The following ADGRL3 variants were observed in gnomAD, a reference collection of about 807,000 sequenced individuals.
ADGRL3 encodes the protein calcium-independent alpha-latrotoxin receptor 3.
In ADGRL3, 62 loss-of-function variants were observed where a neutral mutation model predicts 153.5. The observed-to-expected ratio is 0.40, with a 90% CI of 0.33 to 0.50. The LOEUF (loss-of-function observed/expected upper bound fraction) is 0.50. Ranked by LOEUF, ADGRL3 falls within the 20% of genes least tolerant of loss-of-function variation. The pLI is 0.47. For missense variants in ADGRL3, 1,641 were observed against 1,859.4 expected, an observed-to-expected ratio of 0.88 and a Z score of 2.16; for synonymous variants, 710 against 672.5, an observed-to-expected ratio of 1.06 and a Z score of -0.86.
At position 61,617,809 on chromosome 4, in the gene ADGRL3, TTC is replaced by T. The variant is rs375759445; in HGVS notation, c.473+30373_473+30374del. ...TTCCCTAAGCAAAATCCTCAACGTA[TTC>T]TCTGTTAACATGTGTTATAAATCCT... On this transcript the variant is annotated intron_variant, in intron 5 of 26. Transcript: ENST00000683033. Among the ~76,000 whole-genome samples the T allele has an allele frequency of 9.2e-4, 140 of 152,334 alleles. 2 individuals carry two copies. Among genetic ancestry groups the T allele is most frequent in the African/African-American group, 3.3e-3 (136 of 41,580 alleles).
intron 1 of ADGRL3, among the ~76,000 whole-genome samples, chr4:61,204,014 A>G (rs1042472806): frequency 6.6e-6 from 1 of 152,178 alleles, no homozygotes; most frequent in South Asian, 2.1e-4. Context: ...TTTACTTTCA[A>G]TAATTAAAAT....
chr4:61,651,173 C>G (rs993369111), intron 5 of ADGRL3, among the ~76,000 whole-genome samples: 3 of 152,040 alleles, frequency 2.0e-5, no homozygotes, highest in Non-Finnish European at 4.4e-5. Flanking sequence ...GCATAGAAAT[C>G]TTAAAAAATT....
At chr4:61,247,185 A>G (rs1270160140) in intron 1 of ADGRL3, among the ~76,000 whole-genome samples, 1 of 152,006 alleles carries the variant, frequency 6.6e-6, no homozygotes, top group Admixed American at 6.6e-5. Flanking sequence ...TTAAGTTATC[A>G]TATATTTATT....
chr4:61,855,785 A>T (rs988375408), intron 9 of ADGRL3, among the ~76,000 whole-genome samples: 3 of 151,914 alleles, frequency 2.0e-5, no homozygotes, highest in Non-Finnish European at 2.9e-5. Flanking sequence ...TTTTTCAGCC[A>T]CTATTTATTG....
intron 19 of ADGRL3, among the ~76,000 whole-genome samples, chr4:61,990,979 T>TGTGTGTGTGTGTGTAC (rs1449172872): frequency 4.6e-5 from 7 of 151,268 alleles, no homozygotes; most frequent in African/African-American, 7.3e-5. Flanking sequence ...TGTGTGTGTG[T>TGTGTGTGTGTGTGTAC]GTGTGTGTGT....
At chr4:61,866,761 C>T (rs2098402798) in intron 9 of ADGRL3, among the ~76,000 whole-genome samples, 1 of 152,130 alleles carries the variant, frequency 6.6e-6, no homozygotes, top group African/African-American at 2.4e-5. Context: ...CTGAGAATAC[C>T]CTCAGGCCCT....
intron 1 of ADGRL3, among the ~76,000 whole-genome samples, chr4:61,357,600 A>C (rs2096200395): frequency 6.6e-6 from 1 of 152,094 alleles, no homozygotes; most frequent in African/African-American, 2.4e-5. Flanking sequence ...AGAGTATTTT[A>C]CATTTTCTAT....
At chr4:61,524,763 A>G (rs1235368492) in intron 4 of ADGRL3, among the ~76,000 whole-genome samples, 1 of 151,998 alleles carries the variant, frequency 6.6e-6, no homozygotes, top group Admixed American at 6.6e-5. Context: ...CCTTTTTTTG[A>G]CTTTCTGTTT....
At chr4:61,476,967 G>A (rs541881504) in intron 2 of ADGRL3, among the ~76,000 whole-genome samples, 1 of 151,364 alleles carries the variant, frequency 6.6e-6, no homozygotes, top group African/African-American at 2.4e-5. Flanking sequence ...TATTTATGTA[G>A]TTAGTTATTT....
At position 61,396,751 on chromosome 4, in the gene ADGRL3, C is replaced by CT. The variant is rs904925409; in HGVS notation, c.-174+13570dup. 3.3e-5 allele frequency among the ~76,000 whole-genome samples: 5 copies of CT among 151,678 alleles called. No individual in the cohort carries two copies. In the East Asian group the frequency reaches 7.7e-4, roughly 23 times the overall value. On this transcript the variant is annotated intron_variant, in intron 2 of 26. Transcript: ENST00000683033. The stretch of plus-strand genomic sequence containing the variant: ...TAACTATAAATTTACTATAAATCTA[C>CT]TTTTTTTTCCAGCAAATGGATTCAT...
intron 9 of ADGRL3, among the ~76,000 whole-genome samples, chr4:61,891,751 T>C (rs1355794214): frequency 6.6e-6 from 1 of 152,022 alleles, no homozygotes; most frequent in African/African-American, 2.4e-5. Flanking sequence ...AGGTTAAGAG[T>C]AGTTTCTAAT....
intron 5 of ADGRL3, among the ~76,000 whole-genome samples, chr4:61,621,789 G>T (rs1413284797): frequency 1.3e-5 from 2 of 151,700 alleles, no homozygotes; most frequent in East Asian, 3.9e-4. Context: ...TTCCTTTGTG[G>T]TTTTAATTTT....
At chr4:61,631,224 A>G (rs1579963273) in intron 5 of ADGRL3, among the ~76,000 whole-genome samples, 1 of 152,196 alleles carries the variant, frequency 6.6e-6, no homozygotes, top group South Asian at 2.1e-4. Flanking sequence ...CTAGATCAGC[A>G]CTTTCTAAAT....
At chr4:61,883,809 C>A (rs139202866) in intron 9 of ADGRL3, among the ~76,000 whole-genome samples, 1 of 151,974 alleles carries the variant, frequency 6.6e-6, no homozygotes, top group Non-Finnish European at 1.5e-5. Context: ...GATGTTGTAG[C>A]GTCCATAAGA....
intron 2 of ADGRL3, among the ~76,000 whole-genome samples, chr4:61,466,301 T>A (rs1014677014): frequency 6.6e-6 from 1 of 152,134 alleles, no homozygotes. Flanking sequence ...TTAGAAAAAT[T>A]GTCGTCTCTA....
intron 1 of ADGRL3, among the ~76,000 whole-genome samples, chr4:61,241,090 CAT>C (rs988428070): frequency 6.6e-6 from 1 of 151,826 alleles, no homozygotes; most frequent in African/African-American, 2.4e-5. Flanking sequence ...TTTACACACA[CAT>C]ACATATAAAA....
chr4:61,668,514 T>G (rs2094880239), intron 5 of ADGRL3, among the ~76,000 whole-genome samples: 1 of 152,204 alleles, frequency 6.6e-6, no homozygotes, highest in African/African-American at 2.4e-5. Flanking sequence ...TCTCTTTGGT[T>G]ATATTGTCAC....
chr4:61,254,424 T>A (rs2091767757), intron 1 of ADGRL3, among the ~76,000 whole-genome samples: 1 of 152,180 alleles, frequency 6.6e-6, no homozygotes, highest in Admixed American at 6.5e-5. Context: ...TAGTGCTATT[T>A]GAAATTATTT....
At chr4:61,745,041 C>A (rs915013211) in intron 8 of ADGRL3, among the ~76,000 whole-genome samples, 3 of 152,120 alleles carry the variant, frequency 2.0e-5, no homozygotes, top group African/African-American at 7.2e-5. Flanking sequence ...GAGCTGAGAA[C>A]CAAGACTCGA....
Sources: allele counts gnomAD v4.1 joint callset (sites outside exome capture counted in the v4.1 genomes callset), GRCh38; gene constraint gnomAD v4.1.1; transcripts MANE v1.5; gene names NCBI Gene and HGNC (gene_info 2026-07-23, HGNC 2026-07-21).